AUTS2: variants seen among roughly 807,000 people sequenced by gnomAD.
AUTS2 encodes the protein activator of transcription and developmental regulator AUTS2.
A neutral mutation model predicts 112.4 loss-of-function variants in AUTS2; 17 were observed. The observed-to-expected ratio is 0.15, with a 90% CI of 0.10 to 0.23. The LOEUF (loss-of-function observed/expected upper bound fraction) is 0.23. Among genes scored for constraint, AUTS2 ranks in the 10% least tolerant of loss-of-function variants. AUTS2 has a pLI of 1.00. For missense variants in AUTS2, 1,510 were observed against 1,701.6 expected, an observed-to-expected ratio of 0.89 and a Z score of 1.98; for synonymous variants, 751 against 702.7, an observed-to-expected ratio of 1.07 and a Z score of -1.09.
At chr7:70,538,288 G>A (rs1230170944) in intron 5 of AUTS2, among the ~76,000 whole-genome samples, 1 of 152,168 alleles carries the variant, frequency 6.6e-6, no homozygotes, top group Admixed American at 6.5e-5. Flanking sequence ...AGCACTTTGA[G>A]AGGTCAAGGC....
intron 2 of AUTS2, among the ~76,000 whole-genome samples, chr7:69,986,974 T>C (rs750586304): frequency 2.0e-5 from 3 of 152,198 alleles, no homozygotes; most frequent in Non-Finnish European, 2.9e-5. Flanking sequence ...ATTAGGTGCA[T>C]AATACCTGGA....
At chr7:69,657,922 C>G (rs1407241411) in intron 1 of AUTS2, among the ~76,000 whole-genome samples, 1 of 152,202 alleles carries the variant, frequency 6.6e-6, no homozygotes, top group Non-Finnish European at 1.5e-5. Context: ...TGCTTGGCAC[C>G]TGGGCCAGGT....
intron 5 of AUTS2, among the ~76,000 whole-genome samples, chr7:70,515,986 A>G (rs1585242872): frequency 6.6e-6 from 1 of 152,178 alleles, no homozygotes; most frequent in African/African-American, 2.4e-5. Flanking sequence ...GCTGGGCCCA[A>G]ACGATCGTTC....
At chr7:70,595,936 A>T (rs553911827) in intron 5 of AUTS2, 1 of 152,108 alleles carries the variant, frequency 6.6e-6, no homozygotes, top group African/African-American at 2.4e-5. Flanking sequence ...CCGGGATGGC[A>T]GAGCGGATCA....
intron 2 of AUTS2, among the ~76,000 whole-genome samples, chr7:69,941,511 G>T (rs1796625061): frequency 6.6e-6 from 1 of 151,850 alleles, no homozygotes; most frequent in African/African-American, 2.4e-5. Context: ...ATTCCAAGAA[G>T]ATGGGAAGTT....
chr7:70,211,882 C>A (rs1010582680), intron 4 of AUTS2, among the ~76,000 whole-genome samples: 4 of 141,832 alleles, frequency 2.8e-5, no homozygotes, highest in East Asian at 4.4e-4. Flanking sequence ...GCTACTCGGG[C>A]GGCTGAGGCA....
At chr7:69,794,777 G>T (rs1394344858) in intron 1 of AUTS2, among the ~76,000 whole-genome samples, 1 of 151,962 alleles carries the variant, frequency 6.6e-6, no homozygotes, top group Non-Finnish European at 1.5e-5. Flanking sequence ...TGTTATCAAG[G>T]TTACCTGTTA....
chr7:69,731,957 A>G (rs903343788), intron 1 of AUTS2, among the ~76,000 whole-genome samples: 1 of 152,086 alleles, frequency 6.6e-6, no homozygotes, highest in Non-Finnish European at 1.5e-5. Context: ...TAAATAATGC[A>G]TTAGGAAGCA....
chr7:70,779,079 T>C (rs1392498365), intron 14 of AUTS2, among the ~76,000 whole-genome samples: 1 of 152,192 alleles, frequency 6.6e-6, no homozygotes, highest in African/African-American at 2.4e-5. Context: ...TTCATGGCCC[T>C]AAGTTGTGGT....
intron 5 of AUTS2, among the ~76,000 whole-genome samples, chr7:70,543,428 C>A (rs1254761922): frequency 6.6e-6 from 1 of 151,580 alleles, no homozygotes; most frequent in Non-Finnish European, 1.5e-5. Context: ...ACTCGGGAGG[C>A]TGAGGCACGA....
chr7:69,619,051 G>GT (rs1399012317), intron 1 of AUTS2, among the ~76,000 whole-genome samples: 8 of 152,164 alleles, frequency 5.3e-5, no homozygotes, highest in African/African-American at 7.2e-5. Context: ...GTTGTGTTTG[G>GT]TTTTTCTTCA....
chr7:70,314,184 C>T (rs1244825248), intron 4 of AUTS2, among the ~76,000 whole-genome samples: 1 of 152,172 alleles, frequency 6.6e-6, no homozygotes, highest in Admixed American at 6.5e-5. Flanking sequence ...TCTTTCCCTG[C>T]CATCTCATTC....
chr7:70,284,139 A>G (rs542998558), intron 4 of AUTS2, among the ~76,000 whole-genome samples: 1 of 152,354 alleles, frequency 6.6e-6, no homozygotes, highest in South Asian at 2.1e-4. Context: ...GATGTCATAT[A>G]TTAAGTTCAC....
At chr7:70,273,111 C>G (rs1238488619) in intron 4 of AUTS2, among the ~76,000 whole-genome samples, 3 of 152,102 alleles carry the variant, frequency 2.0e-5, no homozygotes, top group Non-Finnish European at 4.4e-5. Context: ...TGCAGTGGCA[C>G]GATCTTGGCT....
chr7:69,823,875 A>C (rs992163816), intron 1 of AUTS2, among the ~76,000 whole-genome samples: 12 of 152,134 alleles, frequency 7.9e-5, no homozygotes, highest in Non-Finnish European at 1.8e-4. Flanking sequence ...TTTTGAGGTG[A>C]TTTTGTTAGA....
chr7:69,643,259 C>T (rs1057263330), intron 1 of AUTS2: 4 of 152,422 alleles, frequency 2.6e-5, no homozygotes, highest in East Asian at 1.9e-4. Context: ...ATCATGTATA[C>T]ATAATCATGT....
intron 5 of AUTS2, among the ~76,000 whole-genome samples, chr7:70,667,385 A>C (rs1039816417): frequency 1.2e-4 from 19 of 152,178 alleles, no homozygotes; most frequent in African/African-American, 4.6e-4. Flanking sequence ...CAAAAAGCAA[A>C]ACCAATAAAG....
At chr7:70,538,108 G>A (rs953920039) in intron 5 of AUTS2, among the ~76,000 whole-genome samples, 4 of 152,146 alleles carry the variant, frequency 2.6e-5, no homozygotes, top group African/African-American at 9.7e-5. Context: ...GTGATGGCGT[G>A]CACCTATAGT....
At chr7:70,056,224 A>G (rs2129560049) in intron 2 of AUTS2, among the ~76,000 whole-genome samples, 1 of 152,236 alleles carries the variant, frequency 6.6e-6, no homozygotes, top group South Asian at 2.1e-4. Context: ...ACCTCAGGCA[A>G]TCCATCCTCC....
Sources: gnomAD v4.1 joint callset for allele counts (sites outside exome capture counted in the v4.1 genomes callset) on GRCh38, gnomAD v4.1.1 for gene constraint, MANE v1.5 for transcripts, NCBI Gene and HGNC (gene_info 2026-07-23, HGNC 2026-07-21) for gene names.